Variants in MEI1 observed in about 807,000 individuals in gnomAD.
MEI1 encodes meiotic double-stranded break formation protein 1, also known as meiosis inhibitor protein 1.
A neutral mutation model predicts 146.2 loss-of-function variants in MEI1; 103 were observed. The observed-to-expected ratio is 0.70, with a 90% CI of 0.60 to 0.83. The LOEUF (loss-of-function observed/expected upper bound fraction) is 0.83, where lower values mean the gene tolerates loss of function less well. Among genes scored for constraint, MEI1 ranks in the 40% least tolerant of loss-of-function variants. The pLI is 0.00. For synonymous variants in MEI1, 652 were observed against 628.2 expected (o/e 1.04, Z -0.57); for missense variants, 1,529 against 1,533.0 (o/e 1.00, Z 0.04).
In MEI1 at chr22:41,779,995, G is replaced by A. The variant is rs140464279; in HGVS notation, c.2815+1183G>A. Among the ~76,000 whole-genome samples the A allele has an allele frequency of 1.3e-3, 196 of 152,244 alleles. 2 individuals are homozygous for A. The highest frequency in any genetic ancestry group is 4.5e-3 in the African/African-American group (187 of 41,552). ...TGAAGATGGGGCATCTTCCCTGCCT[G>A]GAGCCCAGTCCACCTCATGAGAACA... On this transcript the variant is annotated intron_variant, in intron 22 of 30. Transcript: ENST00000401548.
chr22:41,703,345 G>A lies in MEI1; in HGVS notation c.189G>A (p.Lys63=). The A allele has an allele frequency of 3.7e-6, 6 of 1,612,596 alleles. No individual in the cohort carries two copies. The highest frequency in any genetic ancestry group is 4.2e-6 in the Non-Finnish European group (5 of 1,179,314). ...PDPGVSLVRK[K]HMLSCFQDAL... ...TTTGCTTCAAGTTAGTGCGCAAGAAGCACATGTTGTCCTGCTTCCAAGATG... is the reference window on the plus strand; with the variant it reads ...TTTGCTTCAAGTTAGTGCGCAAGAAACACATGTTGTCCTGCTTCCAAGATG... Residue 63 remains lysine, a synonymous_variant, in exon 2 of 31, where the codon AAG becomes AAA. Transcript: ENST00000401548.
At position 41,763,220 on chromosome 22, in the gene MEI1, C is replaced by A; in HGVS notation, c.2167C>A (p.Leu723Met). ...ELFEAVQSFL[L>M]SLQDQGERPP... is the part of the protein sequence containing the mutation. ...ATTTGAGGCTGTGCAAAGCTTCCTC[C>A]TGTCGCTGCAGGACCAGGGCGAGCG... The change falls in exon 19 of 31, where the codon CTG (leucine) becomes ATG (methionine). Residue 723 changes from leucine (L) to methionine (M), a missense_variant. Leu to Met is a conservative substitution (Grantham distance 15). Coordinates refer to ENST00000401548, the MANE Select transcript of MEI1 (RefSeq NM_152513.4). 1 of 1,613,964 alleles carries A rather than the reference C, an allele frequency of 6.2e-7. No homozygotes were observed. The highest frequency in any genetic ancestry group is 1.1e-5 in the South Asian group (1 of 91,086).
intron 3 of MEI1, among the ~76,000 whole-genome samples, chr22:41,712,657 T>A (rs1457190555): frequency 7.3e-6 from 1 of 136,830 alleles, no homozygotes; most frequent in Non-Finnish European, 1.5e-5. Flanking sequence ...TTTAAGTATA[T>A]TTAAATAGAA....
In MEI1 at chr22:41,743,063, TG is replaced by T. The variant is rs1569229049; in HGVS notation, c.1332-16del. 1.3e-6 allele frequency: 2 copies of T among 1,593,460 alleles called. No homozygotes were observed. Among genetic ancestry groups the T allele is most frequent in the Non-Finnish European group, 1.7e-6 (2 of 1,163,312 alleles). On this transcript the variant is annotated splice_polypyrimidine_tract_variant and intron_variant, in intron 11 of 30. Coordinates refer to ENST00000401548, the MANE Select transcript of MEI1 (RefSeq NM_152513.4). ...CGTTGCCTTACCGTGAACCTGCTTT[TG>T]TCTCTCTGGATGCAGGAAGGACCAT...
chr22:41,738,778 A>T lies in MEI1; in HGVS notation c.1332-4302A>T, dbSNP rs74848143. On this transcript the variant is annotated intron_variant, in intron 11 of 30. Transcript: ENST00000401548. Reference sequence around the variant, plus strand: ...AGAGCAAGACTCTGTCTCAAAAAAAAAAATAAATAAATAAATAAGTAATAA... The same window carrying T: ...AGAGCAAGACTCTGTCTCAAAAAAATAAATAAATAAATAAATAAGTAATAA... Among the ~76,000 whole-genome samples, 562 of 130,660 alleles carry T rather than the reference A, an allele frequency of 4.3e-3. 6 individuals carry two copies. Among genetic ancestry groups the T allele is most frequent in the East Asian group, 0.031 (137 of 4,486 alleles). The allele number at this position is 130,660 out of a possible 152,430, so 85.7% of individuals were successfully genotyped here.
intron 21 of MEI1, 60 bp from the exon 22 acceptor site, chr22:41,778,648 T>C (rs2075594920): frequency 7.5e-7 from 1 of 1,333,552 alleles, no homozygotes; most frequent in African/African-American, 1.5e-5. Flanking sequence ...GGGCAGGGTG[T>C]CTGACCTTCA....
chr22:41,764,228 G>A (rs1186216217), intron 19 of MEI1, among the ~76,000 whole-genome samples: 1 of 152,118 alleles, frequency 6.6e-6, no homozygotes, highest in African/African-American at 2.4e-5. Context: ...CCAAAGTGCT[G>A]GGATTACAGG....
At chr22:41,728,820 G>A (rs867520498) in intron 7 of MEI1, among the ~76,000 whole-genome samples, 3 of 150,686 alleles carry the variant, frequency 2.0e-5, no homozygotes, top group African/African-American at 4.9e-5. Flanking sequence ...ATGTTCACAC[G>A]GCTGCACTAC....
At chr22:41,780,907 G>A (rs1055867833) in intron 22 of MEI1, among the ~76,000 whole-genome samples, 3 of 151,932 alleles carry the variant, frequency 2.0e-5, no homozygotes, top group African/African-American at 4.9e-5. Context: ...GATTGCTGAC[G>A]GGGACAAGAG....
At position 41,730,615 on chromosome 22, in the gene MEI1, T is replaced by G; in HGVS notation, c.1074T>G (p.Phe358Leu). 1 of 1,613,506 alleles carries G rather than the reference T, an allele frequency of 6.2e-7. No individual in the cohort carries two copies. The highest frequency in any genetic ancestry group is 8.5e-7 in the Non-Finnish European group (1 of 1,179,484). Residue 358 changes from phenylalanine (F) to leucine (L), a missense_variant, in exon 9 of 31, where the codon TTT (phenylalanine) becomes TTG (leucine). By Grantham distance (22) the Phe-to-Leu change is conservative. Transcript: ENST00000401548. ...LTLLVEEPLFFSKCHTVYGIE... is the reference protein window; with the variant it reads ...LTLLVEEPLFLSKCHTVYGIE... The stretch of plus-strand genomic sequence containing the variant: ...TCCTGGTAGAAGAGCCACTCTTTTT[T>G]TCCAAGTGCCACACGGTGTATGGTT...
At chr22:41,758,040 G>A (rs1192112237) in intron 17 of MEI1, among the ~76,000 whole-genome samples, 1 of 152,038 alleles carries the variant, frequency 6.6e-6, no homozygotes, top group Non-Finnish European at 1.5e-5. Flanking sequence ...CCCAGAACGG[G>A]GAGGTTGCAG....
At chr22:41,731,051 C>CTT (rs71651970) in intron 9 of MEI1, among the ~76,000 whole-genome samples, 1,632 of 117,100 alleles carry the variant, frequency 0.014, 63 homozygotes, top group Admixed American at 0.039. Context: ...TTGTCTGGGA[C>CTT]TTTTTTTTTT....
chr22:41,769,104 G>C (rs998281158), intron 19 of MEI1, among the ~76,000 whole-genome samples: 4 of 151,930 alleles, frequency 2.6e-5, no homozygotes, highest in African/African-American at 7.3e-5. Flanking sequence ...ATGCAAAATA[G>C]TCAAAACAAT....
chr22:41,785,241 T>TTTTA lies in MEI1; in HGVS notation c.3345+482_3345+485dup, dbSNP rs138457901. On this transcript the variant is annotated intron_variant, in intron 26 of 30. Coordinates refer to ENST00000401548, the MANE Select transcript of MEI1 (RefSeq NM_152513.4). ...TGAGCCACCGCGCCTGGCATTTTTATTTTATTTATTTATTTATTTATTTAT... is the reference window on the plus strand; with the variant it reads ...TGAGCCACCGCGCCTGGCATTTTTATTTTATTTATTTATTTATTTATTTATTTAT... Among the ~76,000 whole-genome samples, 619 of 149,098 alleles carry TTTTA rather than the reference T, an allele frequency of 4.2e-3. 5 individuals carry two copies. Among genetic ancestry groups the TTTTA allele is most frequent in the African/African-American group, 0.013 (523 of 40,346 alleles).
rs781428168 is a variant in MEI1, at chr22:41,794,381, G to A, written c.3438G>A (p.Val1146=). The change falls in exon 28 of 31, where the codon GTG becomes GTA. Residue 1146 remains valine (V), a synonymous_variant. Coordinates refer to ENST00000401548, the MANE Select transcript of MEI1 (RefSeq NM_152513.4). ...CAGTGTTTCTTGAAGCTCTCCACGT[G>A]GCCTCCCAGCCTTGGAATCGGTTTT... The part of the protein sequence containing the change: ...DARSPDIALH[V]ASQPWNRFLL... 1 of 1,613,838 alleles carries A rather than the reference G, an allele frequency of 6.2e-7. No individual in the cohort carries two copies. The highest frequency in any genetic ancestry group is 8.5e-7 in the Non-Finnish European group (1 of 1,179,770).
intron 30 of MEI1, among the ~76,000 whole-genome samples, chr22:41,797,666 T>C (rs188515267): frequency 5.3e-4 from 81 of 152,250 alleles, no homozygotes; most frequent in African/African-American, 1.9e-3. Context: ...ATAAAACAAA[T>C]GAATTTTGTG....
chr22:41,732,148 C>G, intron 9 of MEI1, 97 bp from the exon 10 acceptor site: 2 of 943,826 alleles, frequency 2.1e-6, no homozygotes, highest in Non-Finnish European at 3.2e-6. Context: ...GCCTCCAACT[C>G]ATACATGCTG....
Position 41,718,092 on chromosome 22 carries a change from T to C in MEI1, c.551T>C (p.Leu184Ser). The change falls in exon 6 of 31, where the codon TTG becomes TCG. Residue 184 changes from leucine (L) to serine (S), a missense_variant. Leu to Ser is a moderately radical substitution (Grantham distance 145). Coordinates refer to ENST00000401548, the MANE Select transcript of MEI1 (RefSeq NM_152513.4). ...MEHGNLMEHLLRGLVYPSEGI... is the reference protein window; with the variant it reads ...MEHGNLMEHLSRGLVYPSEGI... Reference sequence around the variant, plus strand: ...ACAGGCAACCTGATGGAGCATCTGTTGAGAGGCTTAGTATACCCCAGTGAG... The same window carrying C: ...ACAGGCAACCTGATGGAGCATCTGTCGAGAGGCTTAGTATACCCCAGTGAG... The C allele has an allele frequency of 6.2e-7, 1 of 1,609,374 alleles. No individual in the cohort carries two copies. Among genetic ancestry groups the C allele is most frequent in the Non-Finnish European group, 8.5e-7 (1 of 1,177,212 alleles).
At chr22:41,727,834 A>T (rs1456976991) in intron 7 of MEI1, among the ~76,000 whole-genome samples, 1 of 152,306 alleles carries the variant, frequency 6.6e-6, no homozygotes, top group South Asian at 2.1e-4. Context: ...GAACTGTGAC[A>T]TGTGAAACCT....
Sources: allele counts gnomAD v4.1 joint callset (sites outside exome capture counted in the v4.1 genomes callset), GRCh38; gene constraint gnomAD v4.1.1; transcripts MANE v1.5; gene names NCBI Gene and HGNC (gene_info 2026-07-23, HGNC 2026-07-21).